Variants in ZNF737 observed in about 807,000 individuals in gnomAD.
ZNF737 encodes zinc finger protein 737, also known as zinc finger protein 102 (Y3).
In ZNF737, 13 loss-of-function variants were observed where a neutral mutation model predicts 11.7. The ratio of observed to expected loss-of-function variants is 1.11; its 90% CI spans 0.73 to 1.77. ZNF737 has a LOEUF of 1.77. ZNF737 is among the 40% of genes most tolerant of loss of function. The pLI is 0.00. For synonymous variants in ZNF737, 217 were observed against 216.2 expected (o/e 1.00, Z -0.03); for missense variants, 636 against 638.0 (o/e 1.00, Z 0.03).
At position 20,542,265 on chromosome 19, in the gene ZNF737, G is replaced by C; in HGVS notation, c.*2327C>G. 1 of 899,794 alleles carries C rather than the reference G, an allele frequency of 1.1e-6. No individual in the cohort carries two copies. The highest frequency in any genetic ancestry group is 1.3e-6 in the Non-Finnish European group (1 of 753,042). 55.7% of individuals were successfully genotyped at this position (899,794 alleles called of 1,614,324 possible). ...TTTTTTGAGACAGAGTTTTGCTCTT[G>C]TTGCCCAGACTGGAGTGCAATCGCA... On this transcript the variant is annotated 3_prime_UTR_variant, in exon 4 of 4. Coordinates refer to ENST00000427401, the MANE Select transcript of ZNF737 (RefSeq NM_001159293.2).
rs546228305 is a variant in ZNF737 at position 20,542,172 on chromosome 19, G to A, written c.*2420C>T. ...GTGGCACAATAATGGTTCATTAAAC[G>A]CACGGTAGTCTTACCATGGTAAAAA... is the stretch of plus-strand genomic sequence containing the variant. On this transcript the variant is annotated 3_prime_UTR_variant, in exon 4 of 4. Transcript: ENST00000427401. 25 of 984,596 alleles carry A rather than the reference G, an allele frequency of 2.5e-5. No individual in the cohort carries two copies. The highest frequency in any genetic ancestry group is 2.3e-4 in the East Asian group (2 of 8,808). 61.0% of individuals were successfully genotyped at this position (984,596 alleles called of 1,614,324 possible). A position where few individuals can be genotyped will look rare whatever the true frequency, so the allele number is the denominator to read the frequency against.
At position 20,543,668 on chromosome 19, in the gene ZNF737, G is replaced by A. The variant is rs1968310476; in HGVS notation, c.*924C>T. Reference sequence around the variant, plus strand: ...ATTATCCAACCTACAATCAAGAGTGGCAACCATATAAAGGCTTTGTCACAT... The same window carrying A: ...ATTATCCAACCTACAATCAAGAGTGACAACCATATAAAGGCTTTGTCACAT... On this transcript the variant is annotated 3_prime_UTR_variant, in exon 4 of 4. Transcript: ENST00000427401. 1.0e-6 allele frequency: 1 copy of A among 985,432 alleles called. No individual in the cohort carries two copies. Among genetic ancestry groups the A allele is most frequent in the Non-Finnish European group, 1.2e-6 (1 of 829,906 alleles). 61.0% of individuals were successfully genotyped at this position (985,432 alleles called of 1,614,324 possible). A position where few individuals can be genotyped will look rare whatever the true frequency, so the allele number is the denominator to read the frequency against.
downstream of ZNF737, among the ~76,000 whole-genome samples, chr19:20,534,466 T>TATC (rs1967907039): frequency 6.7e-6 from 1 of 148,798 alleles, no homozygotes; most frequent in Admixed American, 6.7e-5. Context: ...TCTATCTATC[T>TATC]ATCTATCTAT....
In ZNF737 at chr19:20,565,755, A is replaced by G. The variant is rs1969276334; in HGVS notation, c.-115T>C. The stretch of plus-strand genomic sequence containing the variant: ...GCAGAGGACACACAGCAGTGAAGAC[A>G]AGACCTGGAGCTCCGGCTGCAGAGA... On this transcript the variant is annotated 5_prime_UTR_variant, in exon 1 of 4. Coordinates refer to ENST00000427401, the MANE Select transcript of ZNF737 (RefSeq NM_001159293.2). 2 of 1,528,404 alleles carry G rather than the reference A, an allele frequency of 1.3e-6. No individual in the cohort carries two copies. Among genetic ancestry groups the G allele is most frequent in the Non-Finnish European group, 1.8e-6 (2 of 1,102,468 alleles). The allele number at this position is 1,528,404 out of a possible 1,614,324, so 94.7% of individuals were successfully genotyped here. A position where few individuals can be genotyped will look rare whatever the true frequency, so the allele number is the denominator to read the frequency against.
chr19:20,562,715 A>G (rs189947248), intron 1 of ZNF737, among the ~76,000 whole-genome samples: 8 of 152,098 alleles, frequency 5.3e-5, no homozygotes, highest in Admixed American at 3.3e-4. Flanking sequence ...TCAGCCTCCC[A>G]AAGTGCTGGG....
intron 2 of ZNF737, among the ~76,000 whole-genome samples, chr19:20,553,049 T>C (rs1555759111): frequency 6.8e-6 from 1 of 146,932 alleles, no homozygotes; most frequent in East Asian, 2.0e-4. Context: ...AGAAAGAAAA[T>C]ACTTTCAATT....
chr19:20,558,479 G>A (rs1286414612), intron 1 of ZNF737, among the ~76,000 whole-genome samples: 2 of 151,994 alleles, frequency 1.3e-5, no homozygotes, highest in African/African-American at 4.8e-5. Flanking sequence ...AAAGCTTCTG[G>A]ATTGTAGGAA....
chr19:20,551,887 G>GTT lies in ZNF737; in HGVS notation c.226+586_226+587dup, dbSNP rs200893537. Among the ~76,000 whole-genome samples, 4 of 139,934 alleles carry GTT rather than the reference G, an allele frequency of 2.9e-5. No homozygotes were observed. In the East Asian group the frequency reaches 6.2e-4, roughly 22 times the overall value. The allele number at this position is 139,934 out of a possible 152,430, so 91.8% of individuals were successfully genotyped here. ...ATAAACGTCCTGTCAAAATTGCAGT[G>GTT]TTTTTTTTTTACAGAAATGGAAAAT... On this transcript the variant is annotated intron_variant, in intron 3 of 3. Transcript: ENST00000427401.
intron 1 of ZNF737, among the ~76,000 whole-genome samples, chr19:20,558,507 T>A (rs1555761724): frequency 6.6e-6 from 1 of 150,660 alleles, no homozygotes; most frequent in Non-Finnish European, 1.5e-5. Flanking sequence ...TGCTGCATAG[T>A]TTTTTTTTAA....
In ZNF737 at chr19:20,545,570, G is replaced by A. The variant is rs554872345; in HGVS notation, c.633C>T (p.Asn211=). The A allele has an allele frequency of 3.1e-6, 5 of 1,608,152 alleles. No individual in the cohort carries two copies. The highest frequency in any genetic ancestry group is 4.2e-6 in the Non-Finnish European group (5 of 1,177,486). Residue 211 remains asparagine, a synonymous_variant, in exon 4 of 4, where the codon AAC becomes AAT. Coordinates refer to ENST00000427401, the MANE Select transcript of ZNF737 (RefSeq NM_001159293.2). ...TATGTGTAGTAAGGTGTGAGGACCA[G>A]TTGAAGGCTTTGCCACATTCTTCAC... ...FKCEECGKAF[N]WSSHLTTHKR...
chr19:20,541,317 TA>T lies in ZNF737; in HGVS notation c.*3274del. 1 of 877,962 alleles carries T rather than the reference TA, an allele frequency of 1.1e-6. No individual in the cohort carries two copies. 54.4% of individuals were successfully genotyped at this position (877,962 alleles called of 1,614,324 possible). A position where few individuals can be genotyped will look rare whatever the true frequency, so the allele number is the denominator to read the frequency against. ...CACCTCAGGTTTATCTTCAGAGTAA[TA>T]TGTGTATATTTAACTCTATGTAAAT... On this transcript the variant is annotated 3_prime_UTR_variant, in exon 4 of 4. Transcript: ENST00000427401.
chr19:20,543,732 G>A lies in ZNF737; in HGVS notation c.*860C>T. ...AGGGTTTCACACTAGTATAATTATT[G>A]TTATGTGTAGAGAAGTTGGAGGTGT... On this transcript the variant is annotated 3_prime_UTR_variant, in exon 4 of 4. Coordinates refer to ENST00000427401, the MANE Select transcript of ZNF737 (RefSeq NM_001159293.2). The A allele has an allele frequency of 1.0e-6, 1 of 985,286 alleles. No individual in the cohort carries two copies. The highest frequency in any genetic ancestry group is 1.2e-6 in the Non-Finnish European group (1 of 829,838). 61.0% of individuals were successfully genotyped at this position (985,286 alleles called of 1,614,324 possible). A position where few individuals can be genotyped will look rare whatever the true frequency, so the allele number is the denominator to read the frequency against.
chr19:20,544,219 G>A lies in ZNF737; in HGVS notation c.*373C>T. On this transcript the variant is annotated 3_prime_UTR_variant, in exon 4 of 4. Transcript: ENST00000427401. The stretch of plus-strand genomic sequence containing the variant: ...TCCAGCATGAATTATGTGTAAGAAG[G>A]GTTCAGAACTTCCTAAAAGCGTTGT... 1 of 1,033,184 alleles carries A rather than the reference G, an allele frequency of 9.7e-7. No homozygotes were observed. The allele number at this position is 1,033,184 out of a possible 1,614,324, so 64.0% of individuals were successfully genotyped here. A position where few individuals can be genotyped will look rare whatever the true frequency, so the allele number is the denominator to read the frequency against.
intron 3 of ZNF737, among the ~76,000 whole-genome samples, chr19:20,548,226 C>T (rs1036270022): frequency 3.3e-5 from 5 of 152,170 alleles, no homozygotes; most frequent in Middle Eastern, 3.4e-3. Flanking sequence ...TGTATTGTAC[C>T]AGTATTCACA....
In ZNF737 at chr19:20,540,811, T is replaced by C. The variant is rs1297770819; in HGVS notation, c.*3781A>G. 1 of 913,460 alleles carries C rather than the reference T, an allele frequency of 1.1e-6. No homozygotes were observed. The highest frequency in any genetic ancestry group is 1.3e-6 in the Non-Finnish European group (1 of 764,688). 56.6% of individuals were successfully genotyped at this position (913,460 alleles called of 1,614,324 possible). A position where few individuals can be genotyped will look rare whatever the true frequency, so the allele number is the denominator to read the frequency against. Reference sequence around the variant, plus strand: ...CTTTTGTTATCTACATAAACAAAGATATCAACTGGATATAATAATTAACTA... The same window carrying C: ...CTTTTGTTATCTACATAAACAAAGACATCAACTGGATATAATAATTAACTA... On this transcript the variant is annotated 3_prime_UTR_variant, in exon 4 of 4. Coordinates refer to ENST00000427401, the MANE Select transcript of ZNF737 (RefSeq NM_001159293.2).
rs1016823085 is a variant in ZNF737, at chr19:20,544,523, C to T, written c.*69G>A. On this transcript the variant is annotated 3_prime_UTR_variant, in exon 4 of 4. Coordinates refer to ENST00000427401, the MANE Select transcript of ZNF737 (RefSeq NM_001159293.2). ...TTTATCACACTTGTACAGTTTCCCT[C>T]CAATATGAATTTTCTTATGTGAAAA... The T allele has an allele frequency of 4.5e-6, 7 of 1,543,704 alleles. No individual in the cohort carries two copies. Among genetic ancestry groups the T allele is most frequent in the Non-Finnish European group, 4.3e-6 (5 of 1,151,182 alleles).
At chr19:20,565,095 C>T (rs1255163650) in intron 1 of ZNF737, among the ~76,000 whole-genome samples, 5 of 152,022 alleles carry the variant, frequency 3.3e-5, no homozygotes, top group Non-Finnish European at 4.4e-5. Flanking sequence ...TCATCACACC[C>T]AGCTAATTTT....
chr19:20,533,024 A>C (rs1463871123), downstream of ZNF737, among the ~76,000 whole-genome samples: 1 of 150,304 alleles, frequency 6.7e-6, no homozygotes, highest in Admixed American at 6.6e-5. Context: ...AAAGTTCTAA[A>C]GAGAAAGAAT....
At position 20,541,863 on chromosome 19, in the gene ZNF737, G is replaced by A. The variant is rs1968219053; in HGVS notation, c.*2729C>T. On this transcript the variant is annotated 3_prime_UTR_variant, in exon 4 of 4. Coordinates refer to ENST00000427401, the MANE Select transcript of ZNF737 (RefSeq NM_001159293.2). ...GTAATACAAAAGATAAATGCTAGAG[G>A]TGATGGATACCTTATTTACCATAAT... 1 of 220,082 alleles carries A rather than the reference G, an allele frequency of 4.5e-6. No homozygotes were observed. The highest frequency in any genetic ancestry group is 7.7e-6 in the Non-Finnish European group (1 of 130,464). The allele number at this position is 220,082 out of a possible 1,614,324, so 13.6% of individuals were successfully genotyped here.
Sources: allele counts gnomAD v4.1 joint callset (sites outside exome capture counted in the v4.1 genomes callset), GRCh38; gene constraint gnomAD v4.1.1; transcripts MANE v1.5; gene names NCBI Gene and HGNC (gene_info 2026-07-23, HGNC 2026-07-21).